Variants in UBXN7 observed in about 807,000 individuals in gnomAD.
UBXN7 encodes the protein UBX domain-containing protein 7.
A neutral mutation model predicts 58.0 loss-of-function variants in UBXN7; 9 were observed. The ratio of observed to expected loss-of-function variants is 0.16; its 90% CI spans 0.09 to 0.27. The LOEUF (loss-of-function observed/expected upper bound fraction) is 0.27. Among genes scored for constraint, UBXN7 ranks in the 10% least tolerant of loss-of-function variants. The pLI is 1.00. For synonymous variants in UBXN7, 208 were observed against 205.0 expected (o/e 1.01, Z -0.12); for missense variants, 328 against 599.6 (o/e 0.55, Z 4.73).
At position 196,409,529 on chromosome 3, in the gene UBXN7, CTAAGAGGA is replaced by C. The variant is rs918960423; in HGVS notation, c.74-2144_74-2137del. Among the ~76,000 whole-genome samples, 11 of 152,122 alleles carry C rather than the reference CTAAGAGGA, an allele frequency of 7.2e-5. No homozygotes were observed. In the Middle Eastern group the frequency reaches 0.017, roughly 235 times the overall value. ...GCCTGGGTTGAAGGTACATTTCCTC[CTAAGAGGA>C]TATGATTTGACAGACTTTGCAAGGC... is the stretch of plus-strand genomic sequence containing the variant. On this transcript the variant is annotated intron_variant, in intron 1 of 10. Transcript: ENST00000296328.
intron 3 of UBXN7, among the ~76,000 whole-genome samples, chr3:196,399,161 C>T (rs1427871037): frequency 6.6e-6 from 1 of 152,194 alleles, no homozygotes; most frequent in East Asian, 1.9e-4. Context: ...AATCATAGTA[C>T]TTCATTATGC....
At chr3:196,425,099 C>T (rs1730806363) in intron 1 of UBXN7, among the ~76,000 whole-genome samples, 2 of 152,174 alleles carry the variant, frequency 1.3e-5, no homozygotes, top group Admixed American at 1.3e-4. Context: ...ATCTGGAAGT[C>T]CTATTAGCAG....
intron 2 of UBXN7, among the ~76,000 whole-genome samples, chr3:196,403,335 T>A (rs774563025): frequency 6.6e-6 from 1 of 152,290 alleles, no homozygotes; most frequent in Non-Finnish European, 1.5e-5. Flanking sequence ...TTTGTTTTCA[T>A]ATTTTTAGTA....
chr3:196,388,472 TG>T lies in UBXN7; in HGVS notation c.468+3340del, dbSNP rs1400369382. On this transcript the variant is annotated intron_variant, in intron 5 of 10. Transcript: ENST00000296328. ...TAAAAGAAATAAATAAGCTACTGTTTGTTTTTTTTTTTTCCAGTCTCTCTCA... is the reference window on the plus strand; with the variant it reads ...TAAAAGAAATAAATAAGCTACTGTTTTTTTTTTTTTTTCCAGTCTCTCTCA... 4.7e-3 allele frequency among the ~76,000 whole-genome samples: 611 copies of T among 130,964 alleles called. 4 individuals carry two copies. Among genetic ancestry groups the T allele is most frequent in the African/African-American group, 0.014 (569 of 39,288 alleles). 85.9% of individuals were successfully genotyped at this position (130,964 alleles called of 152,430 possible).
In UBXN7 at chr3:196,383,291, A is replaced by C. The variant is rs117625998; in HGVS notation, c.468+8522T>G. On this transcript the variant is annotated intron_variant, in intron 5 of 10. Transcript: ENST00000296328. ...TAAATATATATGCATCCAAATTCAA[A>C]AAGCAAGTCCTTAGAGACCTACAGA... Among the ~76,000 whole-genome samples, 209 of 152,284 alleles carry C rather than the reference A, an allele frequency of 1.4e-3. 1 individual carries two copies. The East Asian group carries it at 0.037, about 27-fold the overall frequency.
intron 5 of UBXN7, among the ~76,000 whole-genome samples, chr3:196,383,241 A>G (rs1171080754): frequency 6.6e-6 from 1 of 152,240 alleles, no homozygotes. Flanking sequence ...AAAGGGGTCA[A>G]TTCAACAAGA....
intron 4 of UBXN7, among the ~76,000 whole-genome samples, chr3:196,392,648 C>T (rs1729624458): frequency 6.6e-6 from 1 of 150,406 alleles, no homozygotes; most frequent in African/African-American, 2.5e-5. Flanking sequence ...ACTAAAAATA[C>T]AAAACTTAGC....
intron 5 of UBXN7, among the ~76,000 whole-genome samples, chr3:196,378,772 T>G (rs1387042164): frequency 6.6e-6 from 1 of 151,700 alleles, no homozygotes; most frequent in Non-Finnish European, 1.5e-5. Context: ...CTTCTTTCCA[T>G]GTTGGTTTTG....
chr3:196,365,805 T>C (rs534799087), intron 8 of UBXN7, among the ~76,000 whole-genome samples: 5 of 152,228 alleles, frequency 3.3e-5, no homozygotes, highest in Admixed American at 6.5e-5. Flanking sequence ...TAGTCACGTA[T>C]CTACCGATAA....
rs146868558 is a variant in UBXN7 at position 196,392,461 on chromosome 3, C to T, written c.356-536G>A. On this transcript the variant is annotated intron_variant, in intron 4 of 10. Transcript: ENST00000296328. ...CAGAGGTTGCAGTGAGCAGAGATCGCGCCACTGCACTCCAGCCTGGGCAAC... is the reference window on the plus strand; with the variant it reads ...CAGAGGTTGCAGTGAGCAGAGATCGTGCCACTGCACTCCAGCCTGGGCAAC... Among the ~76,000 whole-genome samples the T allele has an allele frequency of 9.5e-3, 1,428 of 150,546 alleles. 57 individuals are homozygous for T. The highest frequency in any genetic ancestry group is 0.073 in the Admixed American group (1,098 of 15,100).
chr3:196,414,311 C>A (rs972779801), intron 1 of UBXN7, among the ~76,000 whole-genome samples: 1 of 152,166 alleles, frequency 6.6e-6, no homozygotes, highest in African/African-American at 2.4e-5. Flanking sequence ...ATTTTCAATA[C>A]GCAGGCTAAA....
intron 1 of UBXN7, among the ~76,000 whole-genome samples, chr3:196,409,030 GTA>G: frequency 6.6e-6 from 1 of 152,204 alleles, no homozygotes; most frequent in African/African-American, 2.4e-5. Flanking sequence ...CCAATTAGAT[GTA>G]TGTTACAACT....
intron 5 of UBXN7, among the ~76,000 whole-genome samples, chr3:196,375,183 C>CCACACACA (rs56188527): frequency 2.9e-3 from 401 of 139,812 alleles, no homozygotes; most frequent in Middle Eastern, 0.023. Context: ...GGTGCTCTTA[C>CCACACACA]CACACACACA....
chr3:196,399,060 C>T lies in UBXN7; in HGVS notation c.289+3892G>A, dbSNP rs577728033. Among the ~76,000 whole-genome samples the T allele has an allele frequency of 3.2e-4, 49 of 152,262 alleles. No individual in the cohort carries two copies. The South Asian group carries it at 7.5e-3, about 23-fold the overall frequency. On this transcript the variant is annotated intron_variant, in intron 3 of 10. Coordinates refer to ENST00000296328, the MANE Select transcript of UBXN7 (RefSeq NM_015562.2). Reference sequence around the variant, plus strand: ...AAAGTGTAAACTGATAGTCTGTCAGCGATTTTTCAAGTAAAAAGAATGTTC... The same window carrying T: ...AAAGTGTAAACTGATAGTCTGTCAGTGATTTTTCAAGTAAAAAGAATGTTC...
At chr3:196,393,653 T>A (rs779841506) in intron 3 of UBXN7, 34 bp from the exon 4 acceptor site, 35 of 1,578,890 alleles carry the variant, frequency 2.2e-5, no homozygotes, top group South Asian at 1.5e-4. Flanking sequence ...GAAAATTTTT[T>A]AAATTAATTT....
rs1469619673 is a variant in UBXN7, at chr3:196,404,407, C to T, written c.222-1388G>A. 5.3e-5 allele frequency among the ~76,000 whole-genome samples: 8 copies of T among 152,038 alleles called. No individual in the cohort carries two copies. The South Asian group carries it at 8.3e-4, about 16-fold the overall frequency. ...CCTCCCAAGGAGCTGGGACTACAGG[C>T]GCACGCCACCACGCCCGGCTAATTT... On this transcript the variant is annotated intron_variant, in intron 2 of 10. Coordinates refer to ENST00000296328, the MANE Select transcript of UBXN7 (RefSeq NM_015562.2).
intron 1 of UBXN7, among the ~76,000 whole-genome samples, chr3:196,430,617 C>T (rs1166650800): frequency 4.6e-5 from 7 of 151,986 alleles, no homozygotes; most frequent in Non-Finnish European, 1.0e-4. Context: ...TGCAACTCCT[C>T]GCCCCATGTG....
chr3:196,406,918 T>C (rs914946700), intron 2 of UBXN7, among the ~76,000 whole-genome samples: 7 of 152,212 alleles, frequency 4.6e-5, no homozygotes, highest in African/African-American at 1.7e-4. Flanking sequence ...TGCCATCCAA[T>C]AAGGTGTTTG....
chr3:196,403,167 G>T, intron 2 of UBXN7, 148 bp from the exon 3 acceptor site: 1 of 818,068 alleles, frequency 1.2e-6, no homozygotes, highest in Non-Finnish European at 1.8e-6. Flanking sequence ...TTTTTTTGGG[G>T]GGGCGGTGGA....
Sources: allele counts gnomAD v4.1 joint callset (sites outside exome capture counted in the v4.1 genomes callset), GRCh38; gene constraint gnomAD v4.1.1; transcripts MANE v1.5; gene names NCBI Gene and HGNC (gene_info 2026-07-23, HGNC 2026-07-21).